SCAF1: variants seen among roughly 807,000 people sequenced by gnomAD.
SCAF1 encodes the protein splicing factor, arginine/serine-rich 19.
A neutral mutation model predicts 91.2 loss-of-function variants in SCAF1; 28 were observed. The observed-to-expected ratio is 0.31, with a 90% CI of 0.23 to 0.42. The LOEUF is 0.42. SCAF1 is among the 10% of genes least tolerant of loss of function. The pLI, the probability that SCAF1 is intolerant of heterozygous loss-of-function variation, is 1.00. For missense variants in SCAF1, 1,893 were observed against 1,872.1 expected (o/e 1.01, Z -0.21); for synonymous variants, 1,036 against 833.7 (o/e 1.24, Z -4.18).
chr19:49,651,205 G>GGAGGAAGAGGAAGAAGAA lies in SCAF1; in HGVS notation c.831_848dup (p.Glu277_Glu282dup), dbSNP rs770091979. On this transcript the variant is annotated inframe_insertion, in exon 7 of 11. Coordinates refer to ENST00000360565, the MANE Select transcript of SCAF1 (RefSeq NM_021228.3). The stretch of plus-strand genomic sequence containing the variant: ...CCCCCTCACCTGAGGAGGAAGAGGA[G>GGAGGAAGAGGAAGAAGAA]GAGGAAGAGGAAGAAGAAGAGGAAG... The GGAGGAAGAGGAAGAAGAA allele has an allele frequency of 2.5e-6, 4 of 1,613,018 alleles. No homozygotes were observed. Among genetic ancestry groups the GGAGGAAGAGGAAGAAGAA allele is most frequent in the Admixed American group, 1.7e-5 (1 of 59,972 alleles).
rs1324547735 is a variant in SCAF1 at position 49,642,466 on chromosome 19, G to A, written c.-7+224G>A. ...CGTGGGTTCCTGGGGGCGTCTATGGGGCGTCTCCGAGAGGACTTGGGGCGT... is the reference window on the plus strand; with the variant it reads ...CGTGGGTTCCTGGGGGCGTCTATGGAGCGTCTCCGAGAGGACTTGGGGCGT... On this transcript the variant is annotated intron_variant, in intron 1 of 10. Coordinates refer to ENST00000360565, the MANE Select transcript of SCAF1 (RefSeq NM_021228.3). This position sits in a 1 kb window ranked among gnomAD's most constrained non-coding sequence, Gnocchi z 4.0. Among the ~76,000 whole-genome samples, 1 of 152,184 alleles carries A rather than the reference G, an allele frequency of 6.6e-6. No homozygotes were observed. Among genetic ancestry groups the A allele is most frequent in the African/African-American group, 2.4e-5 (1 of 41,446 alleles).
In SCAF1 at chr19:49,652,569, A is replaced by G; in HGVS notation, c.2180A>G (p.Lys727Arg). ...GPSPAPASSP[K>R]REVLYDSEGL... ...TCTCCTGCTCCGGCCTCCTCACCTA[A>G]GCGGGAGGTCCTGTACGACTCCGAG... The change falls in exon 7 of 11, where the codon AAG becomes AGG. Residue 727 changes from lysine to arginine, a missense_variant. By Grantham distance (26) the Lys-to-Arg change is conservative. This residue lies in a region of SCAF1 where 1,436 missense variants were observed against 1,306.8 expected (regional missense o/e 1.10). Coordinates refer to ENST00000360565, the MANE Select transcript of SCAF1 (RefSeq NM_021228.3). 1 of 1,565,498 alleles carries G rather than the reference A, an allele frequency of 6.4e-7. No homozygotes were observed. The highest frequency in any genetic ancestry group is 8.7e-7 in the Non-Finnish European group (1 of 1,153,956).
Position 49,646,617 on chromosome 19 carries a change from G to T in SCAF1, c.353G>T (p.Arg118Leu), listed in dbSNP as rs767842011. The T allele has an allele frequency of 1.4e-5, 23 of 1,613,986 alleles. No individual in the cohort carries two copies. The highest frequency in any genetic ancestry group is 1.9e-5 in the Non-Finnish European group (23 of 1,180,010). The change falls in exon 5 of 11, where the codon CGG becomes CTG. Residue 118 changes from arginine to leucine, a missense_variant. Coordinates refer to ENST00000360565, the MANE Select transcript of SCAF1 (RefSeq NM_021228.3). This position sits in a 1 kb window ranked among gnomAD's most constrained non-coding sequence, Gnocchi z 5.6. ...TGGGTTCCCAGCCGCCTGGACCTGCGGCCTGGCGAGTGAGTAGCTGGGCAG... is the reference window on the plus strand; with the variant it reads ...TGGGTTCCCAGCCGCCTGGACCTGCTGCCTGGCGAGTGAGTAGCTGGGCAG... Reference protein sequence around the residue: ...DTWVPSRLDLRPGESEDMLEL... With the variant: ...DTWVPSRLDLLPGESEDMLEL...
At chr19:49,648,949 A>T (rs1056240266) in intron 6 of SCAF1, among the ~76,000 whole-genome samples, 1 of 150,952 alleles carries the variant, frequency 6.6e-6, no homozygotes, top group African/African-American at 2.4e-5. Flanking sequence ...CAGCCTGGGT[A>T]ACAGAGTGAG....
In SCAF1 at chr19:49,652,022, GC is replaced by G; in HGVS notation, c.1637del (p.Pro546ArgfsTer192). 2 of 1,218,594 alleles carry G rather than the reference GC, an allele frequency of 1.6e-6. No individual in the cohort carries two copies. Among genetic ancestry groups the G allele is most frequent in the Non-Finnish European group, 2.1e-6 (2 of 968,524 alleles). 75.5% of individuals were successfully genotyped at this position (1,218,594 alleles called of 1,614,324 possible). On this transcript the variant is annotated frameshift_variant, in exon 7 of 11. Transcript: ENST00000360565. LOFTEE classifies it high-confidence loss of function. ...GTCGGGCACCCAGCCAGCGCCGCCC[GC>G]CCCGGCCTCGCCCTGGGACTCCAAG... ...SSSGTQPAPP[A>X]PASPWDSKKH...
In SCAF1 at chr19:49,658,615, A is replaced by G. The variant is rs8112147; in HGVS notation, c.*216A>G. On this transcript the variant is annotated 3_prime_UTR_variant, in exon 11 of 11. Transcript: ENST00000360565. ...CCTTCTGTTTGTGCCCCTCTCCCCA[A>G]TTTCATTAAAGATTTCATGAAACAT... 2.0e-3 allele frequency: 1,128 copies of G among 574,570 alleles called. 5 individuals carry two copies. Among genetic ancestry groups the G allele is most frequent in the African/African-American group, 0.018 (938 of 52,710 alleles). The allele number at this position is 574,570 out of a possible 1,614,324, so 35.6% of individuals were successfully genotyped here. A position where few individuals can be genotyped will look rare whatever the true frequency, so the allele number is the denominator to read the frequency against.
At position 49,658,395 on chromosome 19, in the gene SCAF1, T is replaced by G. The variant is rs2122533008; in HGVS notation, c.3935T>G (p.Leu1312Arg). ...KGGPGLPLPP[L>R] ...GGCCCGGGCCTGCCCCTGCCCCCTC[T>G]CTGAGAGCCCTGGCCAGCTCTTCGC... Residue 1312 changes from leucine (L) to arginine (R), a missense_variant, in exon 11 of 11, where the codon CTC becomes CGC. Coordinates refer to ENST00000360565, the MANE Select transcript of SCAF1 (RefSeq NM_021228.3). The G allele has an allele frequency of 6.5e-7, 1 of 1,536,926 alleles. No homozygotes were observed. The highest frequency in any genetic ancestry group is 1.4e-5 in the African/African-American group (1 of 72,496).
Position 49,651,884 on chromosome 19 carries a change from C to T in SCAF1, c.1495C>T (p.Pro499Ser). Residue 499 changes from proline (P) to serine (S), a missense_variant, in exon 7 of 11, where the codon CCC (proline) becomes TCC (serine). By Grantham distance (74) the Pro-to-Ser change is moderately conservative (BLOSUM62 -1). Transcript: ENST00000360565. ...QRRERYRQRS[P>S]SPAPAPAPAA... Reference sequence around the variant, plus strand: ...GCGGGAGCGCTACCGCCAGCGCTCGCCCTCCCCGGCGCCCGCGCCCGCCCC... The same window carrying T: ...GCGGGAGCGCTACCGCCAGCGCTCGTCCTCCCCGGCGCCCGCGCCCGCCCC... 2 of 1,200,092 alleles carry T rather than the reference C, an allele frequency of 1.7e-6. No homozygotes were observed. Among genetic ancestry groups the T allele is most frequent in the Non-Finnish European group, 2.1e-6 (2 of 963,938 alleles). 74.3% of individuals were successfully genotyped at this position (1,200,092 alleles called of 1,614,324 possible).
intron 1 of SCAF1, among the ~76,000 whole-genome samples, chr19:49,643,245 C>G (rs1293601054): frequency 6.6e-6 from 1 of 152,160 alleles, no homozygotes; most frequent in East Asian, 1.9e-4. Context: ...TATTACAGTG[C>G]TTTTCAAGGG....
chr19:49,654,527 G>A, intron 8 of SCAF1, 96 bp downstream of exon 8: 2 of 1,395,070 alleles, frequency 1.4e-6, no homozygotes, highest in Non-Finnish European at 2.0e-6. Flanking sequence ...CTGGGGCAAG[G>A]TATCGGCCTG....
At position 49,654,853 on chromosome 19, in the gene SCAF1, C is replaced by T. The variant is rs2081129485; in HGVS notation, c.3601C>T (p.Arg1201Cys). The T allele has an allele frequency of 2.5e-6, 4 of 1,600,440 alleles. No individual in the cohort carries two copies. Among genetic ancestry groups the T allele is most frequent in the Non-Finnish European group, 3.4e-6 (4 of 1,171,718 alleles). The change falls in exon 9 of 11, where the codon CGT becomes TGT. Residue 1201 changes from arginine (R) to cysteine (C), a missense_variant. Coordinates refer to ENST00000360565, the MANE Select transcript of SCAF1 (RefSeq NM_021228.3). ...KREGSSSSEG[R>C]GDTDKYLKKL... ...AGAGGGCAGCAGCAGCTCTGAGGGC[C>T]GTGGGGACACAGATAAGGTGAGCTG...
rs775133522 is a variant in SCAF1 at position 49,646,983 on chromosome 19, A to G, written c.478+153A>G. ...CGTGATTAAGGCTGTAGGCGCATAC[A>G]GATGTACATAAAGTAAAAACTGATG... On this transcript the variant is annotated intron_variant, in intron 6 of 10. Coordinates refer to ENST00000360565, the MANE Select transcript of SCAF1 (RefSeq NM_021228.3). The surrounding 1 kb of genome is among the most constrained non-coding windows in gnomAD (Gnocchi z 5.6). 1.3e-4 allele frequency among the ~76,000 whole-genome samples: 20 copies of G among 152,254 alleles called. No individual in the cohort carries two copies. Among genetic ancestry groups the G allele is most frequent in the Non-Finnish European group, 2.8e-4 (19 of 68,046 alleles).
In SCAF1 at chr19:49,658,234, C is replaced by T. The variant is rs1454246373; in HGVS notation, c.3774C>T (p.Ile1258=). 6.2e-7 allele frequency: 1 copy of T among 1,613,364 alleles called. No individual in the cohort carries two copies. The highest frequency in any genetic ancestry group is 1.1e-5 in the South Asian group (1 of 91,056). The part of the protein sequence containing the change: ...HKICHSKSGE[I]NPVKVSNLVR... ...TCTGCCACAGCAAAAGTGGGGAAAT[C>T]AACCCAGTGAAGGTGAGCAACCTGG... The change falls in exon 11 of 11, where the codon ATC becomes ATT. Residue 1258 remains isoleucine (I), a synonymous_variant. Transcript: ENST00000360565.
chr19:49,657,660 C>T, intron 9 of SCAF1, 101 bp from the exon 10 acceptor site: 1 of 1,409,078 alleles, frequency 7.1e-7, no homozygotes, highest in South Asian at 1.3e-5. Context: ...AGCTGGACGG[C>T]CAGAGAGGTT....
In SCAF1 at chr19:49,642,224, C is replaced by G. The variant is rs960904484; in HGVS notation, c.-25C>G. 6.6e-6 allele frequency: 1 copy of G among 152,180 alleles called. No homozygotes were observed. Among genetic ancestry groups the G allele is most frequent in the East Asian group, 1.9e-4 (1 of 5,188 alleles). 9.4% of individuals were successfully genotyped at this position (152,180 alleles called of 1,614,324 possible). A position where few individuals can be genotyped will look rare whatever the true frequency, so the allele number is the denominator to read the frequency against. ...GCCCCGCCCCGCGCCGGGGCCGGAG[C>G]CGCAGCCCGAGCGGCGGGGTAAGAT... On this transcript the variant is annotated 5_prime_UTR_variant, in exon 1 of 11. Coordinates refer to ENST00000360565, the MANE Select transcript of SCAF1 (RefSeq NM_021228.3). The surrounding 1 kb of genome is among the most constrained non-coding windows in gnomAD (Gnocchi z 4.0).
Position 49,651,826 on chromosome 19 carries a change from C to T in SCAF1, c.1437C>T (p.Gly479=). Residue 479 remains glycine (G), a synonymous_variant, in exon 7 of 11, where the codon GGC becomes GGT. Coordinates refer to ENST00000360565, the MANE Select transcript of SCAF1 (RefSeq NM_021228.3). ...APPAADSRWG[G]LDLRRKILTQ... Reference sequence around the variant, plus strand: ...CCGCCGCCGACTCGCGCTGGGGCGGCCTGGACCTGCGCCGCAAGATCCTGA... The same window carrying T: ...CCGCCGCCGACTCGCGCTGGGGCGGTCTGGACCTGCGCCGCAAGATCCTGA... The T allele has an allele frequency of 8.0e-7, 1 of 1,256,814 alleles. No homozygotes were observed. The allele number at this position is 1,256,814 out of a possible 1,614,324, so 77.9% of individuals were successfully genotyped here. A position where few individuals can be genotyped will look rare whatever the true frequency, so the allele number is the denominator to read the frequency against.
upstream of SCAF1, among the ~76,000 whole-genome samples, chr19:49,641,633 G>C (rs535499191): frequency 2.0e-5 from 3 of 152,128 alleles, no homozygotes; most frequent in South Asian, 6.2e-4. Flanking sequence ...TATTTTTTTA[G>C]AGGCGGGGTC....
chr19:49,655,093 G>A (rs1233087977), intron 9 of SCAF1, among the ~76,000 whole-genome samples: 1 of 152,164 alleles, frequency 6.6e-6, no homozygotes, highest in Admixed American at 6.5e-5. Context: ...GCGTGTGTGG[G>A]GCTGTGTGCG....
chr19:49,651,134 G>T lies in SCAF1; in HGVS notation c.745G>T (p.Asp249Tyr), dbSNP rs2122481790. Residue 249 changes from aspartate to tyrosine, a missense_variant, in exon 7 of 11, where the codon GAC becomes TAC. By Grantham distance (160) the Asp-to-Tyr change is radical (BLOSUM62 -3). This residue lies in a region of SCAF1 where 80 missense variants were observed against 116.6 expected (regional missense o/e 0.69). Coordinates refer to ENST00000360565, the MANE Select transcript of SCAF1 (RefSeq NM_021228.3). ...ACCGCCTGCTCCGGAGCAAAAGTAC[G>T]ACCCTTTTGAGCCCACCGGCTCCAA... is the stretch of plus-strand genomic sequence containing the variant. ...SPPPAPEQKYDPFEPTGSNPS... is the reference protein window; with the variant it reads ...SPPPAPEQKYYPFEPTGSNPS... 1 of 1,611,634 alleles carries T rather than the reference G, an allele frequency of 6.2e-7. No homozygotes were observed. The highest frequency in any genetic ancestry group is 8.5e-7 in the Non-Finnish European group (1 of 1,179,416).
Sources: gnomAD v4.1 joint callset for allele counts (sites outside exome capture counted in the v4.1 genomes callset) on GRCh38, gnomAD v4.1.1 for gene constraint, gnomAD v4.1.1 regional missense constraint, Gnocchi (gnomAD v3.1) non-coding constraint, MANE v1.5 for transcripts, NCBI Gene and HGNC (gene_info 2026-07-23, HGNC 2026-07-21) for gene names.